SOX6: variants seen among roughly 807,000 people sequenced by gnomAD.
The protein encoded by SOX6 is SRY-box transcription factor 6, also known as transcription factor SOX-6.
A neutral mutation model predicts 97.8 loss-of-function variants in SOX6; 11 were observed. The ratio of observed to expected loss-of-function variants is 0.11; its 90% CI spans 0.07 to 0.19. SOX6 has a LOEUF of 0.19. SOX6 is among the 10% of genes least tolerant of loss of function. The pLI, the probability that SOX6 is intolerant of heterozygous loss-of-function variation, is 1.00. For synonymous variants in SOX6, 360 were observed against 371.4 expected (o/e 0.97, Z 0.35); for missense variants, 810 against 1,039.5 (o/e 0.78, Z 3.04).
intron 3 of SOX6, among the ~76,000 whole-genome samples, chr11:16,639,876 C>A (rs1848867292): frequency 6.6e-6 from 1 of 152,242 alleles, no homozygotes; most frequent in Non-Finnish European, 1.5e-5. Context: ...TTGACTTCCT[C>A]TTTTCCTAAT....
intron 7 of SOX6, among the ~76,000 whole-genome samples, chr11:16,099,353 G>C (rs1162113948): frequency 6.6e-6 from 1 of 151,652 alleles, no homozygotes; most frequent in African/African-American, 2.4e-5. Flanking sequence ...TCTGAAGGAA[G>C]AATATCCTAA....
At chr11:16,250,118 C>A (rs1853463612) in intron 3 of SOX6, among the ~76,000 whole-genome samples, 1 of 152,142 alleles carries the variant, frequency 6.6e-6, no homozygotes, top group African/African-American at 2.4e-5. Flanking sequence ...ACCAGCATTA[C>A]CACCTGAGCT....
chr11:16,173,319 G>T (rs535752428), intron 6 of SOX6, among the ~76,000 whole-genome samples: 11 of 151,922 alleles, frequency 7.2e-5, no homozygotes, highest in Admixed American at 7.2e-4. Flanking sequence ...GAACTTCTAA[G>T]CTCCTGGGGG....
intron 4 of SOX6, among the ~76,000 whole-genome samples, chr11:16,498,309 C>A (rs1462782219): frequency 2.0e-5 from 3 of 152,100 alleles, no homozygotes; most frequent in South Asian, 4.1e-4. Context: ...CTGAAGGAAG[C>A]ACTAAACATG....
At chr11:16,254,559 C>T (rs947022261) in intron 3 of SOX6, among the ~76,000 whole-genome samples, 4 of 151,846 alleles carry the variant, frequency 2.6e-5, no homozygotes, top group South Asian at 4.1e-4. Flanking sequence ...TATTTGAAAG[C>T]GGACTTGGAT....
intron 15 of SOX6, among the ~76,000 whole-genome samples, chr11:15,982,894 A>G (rs1292853362): frequency 6.6e-6 from 1 of 152,026 alleles, no homozygotes; most frequent in Non-Finnish European, 1.5e-5. Context: ...AAATGGAAGT[A>G]TATTCGGTCA....
In SOX6 at chr11:16,597,793, A is replaced by T. The variant is rs1205152896; in HGVS notation, n.609+14288T>A. Among the ~76,000 whole-genome samples the T allele has an allele frequency of 2.0e-5, 3 of 152,060 alleles. No individual in the cohort carries two copies. In the South Asian group the frequency reaches 6.2e-4, roughly 31 times the overall value. On this transcript the variant is annotated intron_variant and non_coding_transcript_variant, in intron 4 of 5. Coordinates refer to the SOX6 transcript ENST00000524520. ...GATCAATACTATATAGCAATGACAA[A>T]TGAAATGACCTTTCAAACTCTTTTC... is the stretch of plus-strand genomic sequence containing the variant.
chr11:16,557,909 G>A (rs1352353438), intron 4 of SOX6, among the ~76,000 whole-genome samples: 1 of 151,754 alleles, frequency 6.6e-6, no homozygotes, highest in Non-Finnish European at 1.5e-5. Context: ...GGCTTATAAA[G>A]GCCAACTTAA....
intron 9 of SOX6, among the ~76,000 whole-genome samples, chr11:16,072,760 C>T (rs1308980571): frequency 6.6e-6 from 1 of 152,100 alleles, no homozygotes; most frequent in Non-Finnish European, 1.5e-5. Context: ...CAGCAGAAAC[C>T]CTACAAGCCA....
chr11:16,156,796 A>C (rs1850612875), intron 6 of SOX6, among the ~76,000 whole-genome samples: 1 of 151,970 alleles, frequency 6.6e-6, no homozygotes, highest in Non-Finnish European at 1.5e-5. Flanking sequence ...TCCTGCATTC[A>C]ATTTATTCAA....
chr11:16,185,726 T>C (rs917088623), intron 5 of SOX6, among the ~76,000 whole-genome samples: 2 of 152,218 alleles, frequency 1.3e-5, no homozygotes, highest in Non-Finnish European at 2.9e-5. Flanking sequence ...CAAGTGTCAA[T>C]AGTTAATTAC....
At chr11:15,983,606 A>G (rs1853737976) in intron 15 of SOX6, among the ~76,000 whole-genome samples, 1 of 152,144 alleles carries the variant, frequency 6.6e-6, no homozygotes, top group African/African-American at 2.4e-5. Context: ...GAAAAACTTC[A>G]GGAAATTAAT....
At position 15,970,584 on chromosome 11, in the gene SOX6, C is replaced by T. The variant is rs532978031; in HGVS notation, c.*2225G>A. On this transcript the variant is annotated 3_prime_UTR_variant, in exon 16 of 16. Coordinates refer to ENST00000683767, the MANE Select transcript of SOX6 (RefSeq NM_001367873.1). ...TTTTTGAGAGAAAAAATGACCTCCTCCTCATTTGAAATAAATGTACAAAAA... is the reference window on the plus strand; with the variant it reads ...TTTTTGAGAGAAAAAATGACCTCCTTCTCATTTGAAATAAATGTACAAAAA... 32 of 152,638 alleles carry T rather than the reference C, an allele frequency of 2.1e-4. No homozygotes were observed. Among genetic ancestry groups the T allele is most frequent in the African/African-American group, 7.0e-4 (29 of 41,530 alleles). 9.5% of individuals were successfully genotyped at this position (152,638 alleles called of 1,614,324 possible).
chr11:16,005,662 C>T lies in SOX6; in HGVS notation c.1732+9280G>A, dbSNP rs184380599. 3.6e-3 allele frequency among the ~76,000 whole-genome samples: 546 copies of T among 152,046 alleles called. 3 individuals carry two copies. The highest frequency in any genetic ancestry group is 0.01 in the Middle Eastern group (3 of 294). On this transcript the variant is annotated intron_variant, in intron 13 of 15. Transcript: ENST00000683767. ...AGAAGAGTCAGCTTATATTGAAGCA[C>T]CATGAGCAATTTCTCTACCACCAAA...
intron 3 of SOX6, among the ~76,000 whole-genome samples, chr11:16,278,981 G>A (rs1854478325): frequency 6.6e-6 from 1 of 152,088 alleles, no homozygotes; most frequent in African/African-American, 2.4e-5. Flanking sequence ...GGTACAGGAA[G>A]ACTAATGTGA....
chr11:16,426,637 G>A lies in SOX6; in HGVS notation c.-5+49678C>T, dbSNP rs568519542. 3.4e-4 allele frequency among the ~76,000 whole-genome samples: 51 copies of A among 151,858 alleles called. 1 individual carries two copies. In the South Asian group the frequency reaches 7.1e-3, roughly 21 times the overall value. On this transcript the variant is annotated intron_variant, in intron 1 of 15. Coordinates refer to the SOX6 transcript ENST00000396356. The stretch of plus-strand genomic sequence containing the variant: ...GATTAAAACTGGATCCCTTCTGGCC[G>A]GGCGCGGTGGCTCACGCCTGTAATC...
chr11:16,309,145 A>G (rs1188621807), intron 3 of SOX6, among the ~76,000 whole-genome samples: 1 of 152,234 alleles, frequency 6.6e-6, no homozygotes, highest in Non-Finnish European at 1.5e-5. Flanking sequence ...AAATGTGTCA[A>G]TATCAATTCC....
intron 15 of SOX6, among the ~76,000 whole-genome samples, chr11:15,984,658 C>A (rs549124775): frequency 6.6e-6 from 1 of 152,246 alleles, no homozygotes; most frequent in African/African-American, 2.4e-5. Flanking sequence ...ATTTATAATA[C>A]AGAGGAATTT....
At chr11:16,114,299 T>G (rs1646176854) in intron 6 of SOX6, among the ~76,000 whole-genome samples, 1 of 152,218 alleles carries the variant, frequency 6.6e-6, no homozygotes, top group Non-Finnish European at 1.5e-5. Context: ...CTCAAATCTA[T>G]ATGCTGCTAT....
Sources: allele counts gnomAD v4.1 joint callset (sites outside exome capture counted in the v4.1 genomes callset), GRCh38; gene constraint gnomAD v4.1.1; transcripts MANE v1.5; gene names NCBI Gene and HGNC (gene_info 2026-07-23, HGNC 2026-07-21).